Variants in PES1 observed in about 807,000 individuals in gnomAD.
PES1 encodes the protein pescadillo ribosomal biogenesis factor 1, also known as pescadillo homolog.
In PES1, 31 loss-of-function variants were observed where a neutral mutation model predicts 77.1. The observed-to-expected ratio is 0.40, with a 90% CI of 0.30 to 0.54. PES1 has a LOEUF of 0.54. Among genes scored for constraint, PES1 ranks in the 20% least tolerant of loss-of-function variants. PES1 has a pLI of 0.45. For missense variants in PES1, 658 were observed against 771.7 expected, an observed-to-expected ratio of 0.85 and a Z score of 1.75; for synonymous variants, 282 against 303.0, an observed-to-expected ratio of 0.93 and a Z score of 0.72.
upstream of PES1, among the ~76,000 whole-genome samples, chr22:30,595,243 A>T (rs532420307): frequency 6.6e-5 from 10 of 152,114 alleles, no homozygotes; most frequent in East Asian, 1.7e-3. Flanking sequence ...CTTGAGGTTA[A>T]AGAACTCGGA....
At chr22:30,585,134 G>C (rs1439669446) in intron 4 of PES1, 1 of 398,636 alleles carries the variant, frequency 2.5e-6, no homozygotes, top group Non-Finnish European at 5.2e-6. Flanking sequence ...GGTGGAGCAG[G>C]GAGCGGGGTG....
At chr22:30,599,646 T>G (rs1000969685) in intron 2 of PES1, among the ~76,000 whole-genome samples, 2 of 152,178 alleles carry the variant, frequency 1.3e-5, no homozygotes, top group Non-Finnish European at 2.9e-5. Flanking sequence ...ACGCCTGTAA[T>G]CCCAGCACTT....
intron 5 of PES1, 42 bp from the exon 6 acceptor site, chr22:30,584,496 G>A: frequency 1.2e-6 from 2 of 1,608,952 alleles, no homozygotes; most frequent in South Asian, 1.1e-5. Flanking sequence ...ACCATGGGGT[G>A]GCAGGAGAGG....
At chr22:30,579,961 G>A (rs751344448) in intron 11 of PES1, 26 bp from the exon 12 acceptor site, 6 of 1,611,410 alleles carry the variant, frequency 3.7e-6, no homozygotes, top group Admixed American at 1.7e-5. Context: ...AGGCAAAAAC[G>A]AGTCACAGAG....
Position 30,576,962 on chromosome 22 carries a change from C to T in PES1, c.*84G>A. 1 of 1,094,002 alleles carries T rather than the reference C, an allele frequency of 9.1e-7. No individual in the cohort carries two copies. Among genetic ancestry groups the T allele is most frequent in the Non-Finnish European group, 1.4e-6 (1 of 709,060 alleles). The allele number at this position is 1,094,002 out of a possible 1,614,324, so 67.8% of individuals were successfully genotyped here. On this transcript the variant is annotated 3_prime_UTR_variant, in exon 15 of 15. Transcript: ENST00000354694. ...AAGGAGGAGGAGAAGTGACTCTGGTCCATCACACTTAGGTCCTCTGGCCTG... is the reference window on the plus strand; with the variant it reads ...AAGGAGGAGGAGAAGTGACTCTGGTTCATCACACTTAGGTCCTCTGGCCTG...
At chr22:30,578,721 G>T in intron 14 of PES1, 116 bp downstream of exon 14, 2 of 1,238,688 alleles carry the variant, frequency 1.6e-6, no homozygotes, top group Non-Finnish European at 2.3e-6. Context: ...GCAACCTCAG[G>T]AAAAGGCTAG....
At chr22:30,581,434 G>C (rs766450841) in intron 7 of PES1, 26 bp from the exon 8 acceptor site, 1 of 1,612,834 alleles carries the variant, frequency 6.2e-7, no homozygotes, top group East Asian at 2.2e-5. Context: ...AAGGTCAGGA[G>C]GCAGAGGACA....
chr22:30,588,996 A>C (rs2087135910), intron 2 of PES1, among the ~76,000 whole-genome samples, 195 bp downstream of exon 2: 1 of 152,172 alleles, frequency 6.6e-6, no homozygotes, highest in Non-Finnish European at 1.5e-5. Context: ...CCATCCTGAC[A>C]ATCCAGTTCA....
At chr22:30,602,441 T>TTTTTTC (rs2087370641) in intron 2 of PES1, among the ~76,000 whole-genome samples, 1 of 150,536 alleles carries the variant, frequency 6.6e-6, no homozygotes, top group South Asian at 2.1e-4. Flanking sequence ...ACTAATACTT[T>TTTTTTC]TTTTTTTTTG....
At position 30,578,848 on chromosome 22, in the gene PES1, T is replaced by C. The variant is rs1569019985; in HGVS notation, c.1672A>G (p.Lys558Glu). 6.2e-7 allele frequency: 1 copy of C among 1,612,356 alleles called. No individual in the cohort carries two copies. The highest frequency in any genetic ancestry group is 8.5e-7 in the Non-Finnish European group (1 of 1,180,016). The change falls in exon 14 of 15, where the codon AAA (lysine) becomes GAA (glutamate). Residue 558 changes from lysine (K) to glutamate (E), a missense_variant. Lys to Glu is a moderately conservative substitution (Grantham distance 56, BLOSUM62 1). Coordinates refer to ENST00000354694, the MANE Select transcript of PES1 (RefSeq NM_014303.4). ...TGGCAAGAACTCACCTCTCGGATTT[T>C]TCGCCTCTTGCCAAACATGATCTTC... ...YQKIMFGKRRKIREANKLAEK... is the reference protein window; with the variant it reads ...YQKIMFGKRREIREANKLAEK...
Position 30,581,349 on chromosome 22 carries a change from G to A in PES1, c.807C>T (p.Ser269=), listed in dbSNP as rs1247993550. ...KAGEGTYALD[S]ESCMEKLAAL... ...AGCCTCTCACCTCCATACAACTCTC[G>A]GAGTCCAACGCGTAGGTGCCCTCAC... Residue 269 remains serine (S), a synonymous_variant, in exon 8 of 15, where the codon TCC becomes TCT. Coordinates refer to ENST00000354694, the MANE Select transcript of PES1 (RefSeq NM_014303.4). 2.5e-5 allele frequency: 41 copies of A among 1,613,642 alleles called. No individual in the cohort carries two copies. The highest frequency in any genetic ancestry group is 4.0e-5 in the African/African-American group (3 of 74,932).
chr22:30,597,187 G>C (rs1489403138), intron 2 of PES1, among the ~76,000 whole-genome samples: 1 of 152,008 alleles, frequency 6.6e-6, no homozygotes, highest in South Asian at 2.1e-4. Flanking sequence ...CCTCCCCAAC[G>C]AGCGCCGCCC....
chr22:30,604,263 G>A (rs1286759856), intron 2 of PES1, among the ~76,000 whole-genome samples: 1 of 152,150 alleles, frequency 6.6e-6, no homozygotes, highest in African/African-American at 2.4e-5. Flanking sequence ...TGTGCTTTTA[G>A]GGGGAAAAAT....
chr22:30,602,549 TTTTTC>T (rs1367884350), intron 2 of PES1, among the ~76,000 whole-genome samples: 60 of 152,116 alleles, frequency 3.9e-4, no homozygotes, highest in Admixed American at 3.7e-3. Context: ...TCTTTTCCTT[TTTTTC>T]TTTTCTTTTG....
intron 2 of PES1, among the ~76,000 whole-genome samples, chr22:30,601,223 G>C (rs778463415): frequency 2.6e-5 from 4 of 152,186 alleles, no homozygotes; most frequent in Non-Finnish European, 4.4e-5. Context: ...AGAAAACCAT[G>C]TGGAACAGCT....
intron 6 of PES1, among the ~76,000 whole-genome samples, chr22:30,583,053 C>T (rs1247882302): frequency 6.6e-6 from 1 of 152,158 alleles, no homozygotes; most frequent in Non-Finnish European, 1.5e-5. Context: ...GTGTGGAGGC[C>T]GGCCCACCAC....
intron 3 of PES1, among the ~76,000 whole-genome samples, chr22:30,587,727 G>A (rs913499137): frequency 6.6e-5 from 10 of 152,210 alleles, no homozygotes; most frequent in Admixed American, 5.2e-4. Context: ...ACCTGACACT[G>A]ACAGGATGAG....
Position 30,580,696 on chromosome 22 carries a change from C to T in PES1, c.918G>A (p.Met306Ile). ...TCCTGCGGTCTTCCTCCTGCGCTGA[C>T]ATCTCCTGTTGAGAAAGGGGCCAGG... is the stretch of plus-strand genomic sequence containing the variant. Reference protein sequence around the residue: ...EVDEFPTDGEMSAQEEDRRKE... With the variant: ...EVDEFPTDGEISAQEEDRRKE... The change falls in exon 10 of 15, where the codon ATG (methionine) becomes ATA (isoleucine). Residue 306 changes from methionine (M) to isoleucine (I), a missense_variant. Met to Ile is a conservative substitution (Grantham distance 10, BLOSUM62 1). Transcript: ENST00000354694. The T allele has an allele frequency of 6.2e-6, 10 of 1,613,300 alleles. No individual in the cohort carries two copies. Among genetic ancestry groups the T allele is most frequent in the Non-Finnish European group, 8.5e-6 (10 of 1,180,020 alleles).
intron 2 of PES1, among the ~76,000 whole-genome samples, chr22:30,599,818 T>C (rs2087325832): frequency 6.6e-6 from 1 of 152,148 alleles, no homozygotes; most frequent in African/African-American, 2.4e-5. Context: ...GGGAATCGCT[T>C]GAACCTGGCA....
Sources: gnomAD v4.1 joint callset for allele counts (sites outside exome capture counted in the v4.1 genomes callset) on GRCh38, gnomAD v4.1.1 for gene constraint, MANE v1.5 for transcripts, NCBI Gene and HGNC (gene_info 2026-07-23, HGNC 2026-07-21) for gene names.